DDA1: variants seen among roughly 807,000 people sequenced by gnomAD.
The protein encoded by DDA1 is DET1 and DDB1 associated 1, also known as DET1- and DDB1-associated protein 1.
DDA1 carries 3 observed loss-of-function variants against 18.6 expected under a neutral mutation model. That is an observed-to-expected ratio of 0.16 (90% CI 0.07 to 0.42). DDA1 has a LOEUF of 0.42. Among genes scored for constraint, DDA1 ranks in the 10% least tolerant of loss-of-function variants. DDA1 has a pLI of 0.99. For missense variants in DDA1, 105 were observed against 138.2 expected, an observed-to-expected ratio of 0.76 and a Z score of 1.20; for synonymous variants, 52 against 54.0, an observed-to-expected ratio of 0.96 and a Z score of 0.17.
At chr19:17,318,164 T>A (rs1256938232) in intron 4 of DDA1, among the ~76,000 whole-genome samples, 1 of 152,106 alleles carries the variant, frequency 6.6e-6, no homozygotes, top group Non-Finnish European at 1.5e-5. Flanking sequence ...GCAATTCTCC[T>A]GCCTCAGACT....
chr19:17,313,158 T>C (rs75859255), intron 1 of DDA1, among the ~76,000 whole-genome samples: 13,005 of 152,086 alleles, frequency 0.086, 650 homozygotes, highest in Non-Finnish European at 0.11. Context: ...GCTTTTCAGG[T>C]GTGTGATGAA....
intron 3 of DDA1, among the ~76,000 whole-genome samples, chr19:17,315,379 G>GTATATATATACACAC (rs1555722768): frequency 4.2e-5 from 3 of 71,090 alleles, no homozygotes; most frequent in Admixed American, 1.3e-4. Flanking sequence ...ATATACACAC[G>GTATATATATACACAC]TATATATATA....
rs2145673722 is a variant in DDA1 at position 17,314,638 on chromosome 19, C to G, written c.136+249C>G. On this transcript the variant is annotated intron_variant, in intron 3 of 4. Coordinates refer to ENST00000359866, the MANE Select transcript of DDA1 (RefSeq NM_024050.6). The surrounding 1 kb of genome is among the most constrained non-coding windows in gnomAD (Gnocchi z 4.6). ...GTCCACTCCCAGCCCCTGGGGACAG[C>G]CAGAAACCTGGCTTTCCCCAGGTGT... is the stretch of plus-strand genomic sequence containing the variant. The G allele has an allele frequency of 1.8e-6, 1 of 544,378 alleles. No homozygotes were observed. Among genetic ancestry groups the G allele is most frequent in the Admixed American group, 3.4e-5 (1 of 29,794 alleles). The allele number at this position is 544,378 out of a possible 1,614,324, so 33.7% of individuals were successfully genotyped here. A position where few individuals can be genotyped will look rare whatever the true frequency, so the allele number is the denominator to read the frequency against.
Position 17,319,740 on chromosome 19 carries a change from C to A in DDA1, c.*84C>A. 8.1e-7 allele frequency: 1 copy of A among 1,240,494 alleles called. No homozygotes were observed. The highest frequency in any genetic ancestry group is 1.4e-5 in the South Asian group (1 of 73,790). 76.8% of individuals were successfully genotyped at this position (1,240,494 alleles called of 1,614,324 possible). A position where few individuals can be genotyped will look rare whatever the true frequency, so the allele number is the denominator to read the frequency against. ...GCCCGCCATGTGTAAGCACCCCGCCCGCCCGCCTCCCTGCCGGCCCATCCA... is the reference window on the plus strand; with the variant it reads ...GCCCGCCATGTGTAAGCACCCCGCCAGCCCGCCTCCCTGCCGGCCCATCCA... On this transcript the variant is annotated 3_prime_UTR_variant, in exon 5 of 5. Coordinates refer to ENST00000359866, the MANE Select transcript of DDA1 (RefSeq NM_024050.6).
intron 4 of DDA1, among the ~76,000 whole-genome samples, chr19:17,318,840 T>G (rs926398280): frequency 2.0e-5 from 3 of 151,884 alleles, no homozygotes; most frequent in Admixed American, 6.6e-5. Context: ...AAGTTTGTTT[T>G]TTTTTTTTTT....
intron 1 of DDA1, 118 bp from the exon 2 acceptor site, chr19:17,313,905 G>A (rs1327161672): frequency 1.2e-6 from 1 of 824,436 alleles, no homozygotes; most frequent in Non-Finnish European, 2.0e-6. Context: ...GTGTGTTCTG[G>A]AAAACTTGAA....
At chr19:17,315,208 T>TATATACACACACGTGTATATACGCAC in intron 3 of DDA1, among the ~76,000 whole-genome samples, 1 of 22,976 alleles carries the variant, frequency 4.4e-5, no homozygotes, top group African/African-American at 2.0e-4. Context: ...TATACACACG[T>TATATACACACACGTGTATATACGCAC]GTATATACAC....
intron 1 of DDA1, among the ~76,000 whole-genome samples, chr19:17,312,871 T>A (rs1460967589): frequency 6.6e-6 from 1 of 151,980 alleles, no homozygotes; most frequent in Non-Finnish European, 1.5e-5. Context: ...TTGAGGGACT[T>A]TGAACAGGTC....
intron 1 of DDA1, among the ~76,000 whole-genome samples, chr19:17,310,983 G>A (rs565794669): frequency 2.3e-4 from 35 of 152,000 alleles, no homozygotes; most frequent in African/African-American, 8.4e-4. Context: ...TCACTCTGGC[G>A]CCCAGACTGG....
chr19:17,315,308 A>ATACACACACTATATATATACACACGTG, intron 3 of DDA1, among the ~76,000 whole-genome samples: 1 of 24,678 alleles, frequency 4.1e-5, no homozygotes, highest in East Asian at 3.4e-4. Flanking sequence ...ACACGTGTAT[A>ATACACACACTATATATATACACACGTG]TATATACACG....
chr19:17,312,002 T>C (rs867983933), intron 1 of DDA1, among the ~76,000 whole-genome samples: 1 of 152,084 alleles, frequency 6.6e-6, no homozygotes, highest in Non-Finnish European at 1.5e-5. Flanking sequence ...AACGCAGACA[T>C]GTTGATCCTA....
intron 1 of DDA1, among the ~76,000 whole-genome samples, chr19:17,311,404 T>C (rs2074178343): frequency 6.6e-6 from 1 of 151,226 alleles, no homozygotes; most frequent in South Asian, 2.1e-4. Context: ...ATCCACCCGC[T>C]TCGGACTCCC....
At chr19:17,316,409 G>A (rs137951748) in intron 4 of DDA1, among the ~76,000 whole-genome samples, 255 of 151,808 alleles carry the variant, frequency 1.7e-3, no homozygotes, top group African/African-American at 5.8e-3. Flanking sequence ...GGGAAATCCC[G>A]TCTCTACTAA....
At chr19:17,316,378 G>A (rs141171194) in intron 4 of DDA1, among the ~76,000 whole-genome samples, 3,386 of 151,998 alleles carry the variant, frequency 0.022, 125 homozygotes, top group African/African-American at 0.078. Flanking sequence ...TCAGGAGATC[G>A]AGACCATCGT....
intron 1 of DDA1, among the ~76,000 whole-genome samples, chr19:17,311,002 G>A (rs1235684690): frequency 6.6e-6 from 1 of 152,052 alleles, no homozygotes; most frequent in Non-Finnish European, 1.5e-5. Context: ...GGAGGCTCAA[G>A]AGATCCCCAC....
rs1347362392 is a variant in DDA1, at chr19:17,320,091, TCC to T, written c.*441_*442del. Reference sequence around the variant, plus strand: ...CTACCAGGACAGCCGAGTGGCCTTCTCCCCCCCAACACCGGTCCAGGCCATTG... The same window carrying T: ...CTACCAGGACAGCCGAGTGGCCTTCTCCCCCAACACCGGTCCAGGCCATTG... On this transcript the variant is annotated 3_prime_UTR_variant, in exon 5 of 5. Coordinates refer to ENST00000359866, the MANE Select transcript of DDA1 (RefSeq NM_024050.6). The T allele has an allele frequency of 6.2e-6, 1 of 160,060 alleles. No individual in the cohort carries two copies. The highest frequency in any genetic ancestry group is 6.3e-5 in the Admixed American group (1 of 15,858). The allele number at this position is 160,060 out of a possible 1,614,324, so 9.9% of individuals were successfully genotyped here. A position where few individuals can be genotyped will look rare whatever the true frequency, so the allele number is the denominator to read the frequency against.
At chr19:17,319,459 C>G in intron 4 of DDA1, 87 bp from the exon 5 acceptor site, 1 of 1,119,336 alleles carries the variant, frequency 8.9e-7, no homozygotes, top group Non-Finnish European at 1.3e-6. Context: ...ACTCCAGAGG[C>G]TGAGCTGGGA....
At chr19:17,315,234 CACACGTG>C in intron 3 of DDA1, among the ~76,000 whole-genome samples, 1 of 64,622 alleles carries the variant, frequency 1.5e-5, no homozygotes, top group Middle Eastern at 6.7e-3. Flanking sequence ...TGTATACACA[CACACGTG>C]TATATACACA....
rs1051609817 is a variant in DDA1, at chr19:17,315,665, G to C, written c.137-269G>C. ...CGGTATGTGCTCCTAGTCAGCCTGG[G>C]AGAAACATAGGCATGAGAGTCTCAG... On this transcript the variant is annotated intron_variant, in intron 3 of 4. Coordinates refer to ENST00000359866, the MANE Select transcript of DDA1 (RefSeq NM_024050.6). 6 of 528,672 alleles carry C rather than the reference G, an allele frequency of 1.1e-5. No homozygotes were observed. The African/African-American group carries it at 1.2e-4, about 10-fold the overall frequency. 32.7% of individuals were successfully genotyped at this position (528,672 alleles called of 1,614,324 possible).
Sources: gnomAD v4.1 joint callset for allele counts (sites outside exome capture counted in the v4.1 genomes callset) on GRCh38, gnomAD v4.1.1 for gene constraint, Gnocchi (gnomAD v3.1) non-coding constraint, MANE v1.5 for transcripts, NCBI Gene and HGNC (gene_info 2026-07-23, HGNC 2026-07-21) for gene names.